The following NAALADL2 variants were observed in gnomAD, a reference collection of about 807,000 sequenced individuals.
The protein encoded by NAALADL2 is N-acetylated alpha-linked acidic dipeptidase like 2.
NAALADL2 carries 76 observed loss-of-function variants against 87.2 expected under a neutral mutation model. The ratio of observed to expected loss-of-function variants is 0.87; its 90% confidence interval spans 0.72 to 1.05. The LOEUF (loss-of-function observed/expected upper bound fraction) is 1.05, where lower values mean the gene tolerates loss of function less well. Ranked by LOEUF, NAALADL2 falls within the 50% of genes least tolerant of loss-of-function variation. The pLI, the probability that NAALADL2 is intolerant of heterozygous loss-of-function variation, is 0.00. For synonymous variants in NAALADL2, 354 were observed against 331.0 expected (o/e 1.07, Z -0.75); for missense variants, 1,089 against 945.8 (o/e 1.15, Z -1.99).
At chr3:175,091,336 C>G (rs1228912997) in intron 1 of NAALADL2, among the ~76,000 whole-genome samples, 2 of 152,068 alleles carry the variant, frequency 1.3e-5, no homozygotes, top group African/African-American at 2.4e-5. Context: ...TCAATCCACT[C>G]AAACCAGCAA....
intron 1 of NAALADL2, among the ~76,000 whole-genome samples, chr3:175,075,201 TCAAA>T (rs1319894213): frequency 6.6e-6 from 1 of 152,132 alleles, no homozygotes; most frequent in Non-Finnish European, 1.5e-5. Flanking sequence ...GGTGAAGCTG[TCAAA>T]CAGTCACTGA....
rs542898824 is a variant in NAALADL2, at chr3:174,960,008, G to T, written c.43+100558G>T. Among the ~76,000 whole-genome samples the T allele has an allele frequency of 2.0e-5, 3 of 152,094 alleles. No homozygotes were observed. In the South Asian group the frequency reaches 6.2e-4, roughly 32 times the overall value. On this transcript the variant is annotated intron_variant, in intron 1 of 13. Transcript: ENST00000454872. ...CCTGGCCAGCTGGCAATAGACTTTA[G>T]GTCTGCAGATATGATGATGGGAGTC...
chr3:175,135,354 T>C (rs1580641744), intron 2 of NAALADL2, among the ~76,000 whole-genome samples: 1 of 152,306 alleles, frequency 6.6e-6, no homozygotes, highest in South Asian at 2.1e-4. Flanking sequence ...TATTTCTTCA[T>C]ACGGTAATAA....
intron 11 of NAALADL2, chr3:175,718,789 T>C (rs895289781): frequency 6.7e-6 from 5 of 741,252 alleles, no homozygotes; most frequent in Non-Finnish European, 1.1e-5. Context: ...TAGCCAAGCA[T>C]GGTGACGCAC....
At chr3:174,523,779 T>G (rs1274663185) in intron 1 of NAALADL2, among the ~76,000 whole-genome samples, 1 of 152,210 alleles carries the variant, frequency 6.6e-6, no homozygotes, top group Non-Finnish European at 1.5e-5. Flanking sequence ...TACTCCTAAA[T>G]TGCCAGGTCA....
intron 2 of NAALADL2, among the ~76,000 whole-genome samples, chr3:175,204,126 G>T (rs528964109): frequency 6.6e-6 from 1 of 152,162 alleles, no homozygotes; most frequent in East Asian, 1.9e-4. Flanking sequence ...ACCAAAACCA[G>T]GAAGGGACAT....
At chr3:174,487,779 C>T (rs1157679015) in intron 1 of NAALADL2, among the ~76,000 whole-genome samples, 1 of 151,044 alleles carries the variant, frequency 6.6e-6, no homozygotes, top group Non-Finnish European at 1.5e-5. Flanking sequence ...GAAGCAATGG[C>T]TATATTGTGG....
chr3:175,256,492 G>A lies in NAALADL2; in HGVS notation c.901G>A (p.Ala301Thr), dbSNP rs575644923. The A allele has an allele frequency of 1.4e-5, 23 of 1,612,692 alleles. No homozygotes were observed. In the Admixed American group the frequency reaches 1.7e-4, roughly 12 times the overall value. The change falls in exon 4 of 14, where the codon GCA becomes ACA. Residue 301 changes from alanine to threonine, a missense_variant. By Grantham distance (58) the Ala-to-Thr change is moderately conservative. Coordinates refer to ENST00000454872, the MANE Select transcript of NAALADL2 (RefSeq NM_207015.3). ...RKIKNVTNQI[A>T]LLKLGKLPLL... ...AATAAAAAACGTAACAAATCAGATC[G>A]CACTCCTGAAATTAGGAAAATTGCC...
intron 3 of NAALADL2, among the ~76,000 whole-genome samples, chr3:174,804,465 T>A (rs1295614575): frequency 6.6e-6 from 1 of 152,186 alleles, no homozygotes; most frequent in Non-Finnish European, 1.5e-5. Context: ...TATTTCTTTC[T>A]CTTGCTTGAT....
intron 1 of NAALADL2, among the ~76,000 whole-genome samples, chr3:174,993,608 G>C (rs541566150): frequency 6.6e-6 from 1 of 152,198 alleles, no homozygotes; most frequent in East Asian, 1.9e-4. Flanking sequence ...AGACATTTTT[G>C]CTAAAAATGT....
chr3:174,539,977 G>GAAA (rs57394560), intron 1 of NAALADL2, among the ~76,000 whole-genome samples: 4 of 51,202 alleles, frequency 7.8e-5, no homozygotes, highest in Non-Finnish European at 1.1e-4. Context: ...GGAAGTTCTG[G>GAAA]AAAAAAAAAA....
At chr3:175,718,293 C>T (rs533192010) in intron 11 of NAALADL2, 287 of 1,482,972 alleles carry the variant, frequency 1.9e-4, no homozygotes, top group African/African-American at 1.1e-3. Flanking sequence ...CATCGTTAGG[C>T]GCCGAAGCTC....
chr3:175,502,148 T>G (rs1729631709), intron 9 of NAALADL2, among the ~76,000 whole-genome samples: 1 of 152,134 alleles, frequency 6.6e-6, no homozygotes, highest in Non-Finnish European at 1.5e-5. Flanking sequence ...GTCAGTCTAC[T>G]AAATAGCTAG....
At chr3:175,058,574 T>C (rs2109063525) in intron 1 of NAALADL2, among the ~76,000 whole-genome samples, 1 of 152,118 alleles carries the variant, frequency 6.6e-6, no homozygotes, top group South Asian at 2.1e-4. Context: ...GAATGATAAG[T>C]CGGGGGGTGC....
At chr3:174,743,679 A>G (rs1015192047) in intron 3 of NAALADL2, among the ~76,000 whole-genome samples, 1 of 151,778 alleles carries the variant, frequency 6.6e-6, no homozygotes, top group African/African-American at 2.4e-5. Flanking sequence ...TGTATTTCCA[A>G]ATTAGAATAG....
intron 1 of NAALADL2, among the ~76,000 whole-genome samples, chr3:174,910,294 T>G: frequency 6.6e-6 from 1 of 152,262 alleles, no homozygotes; most frequent in African/African-American, 2.4e-5. Flanking sequence ...CATGCTAACT[T>G]AAAGTCTTTG....
intron 1 of NAALADL2, among the ~76,000 whole-genome samples, chr3:174,977,287 G>A (rs1744483556): frequency 1.3e-5 from 2 of 152,072 alleles, no homozygotes; most frequent in Admixed American, 1.3e-4. Flanking sequence ...ACCACGCCCA[G>A]CTAATTTTTG....
chr3:174,504,183 T>C (rs1290854780), intron 1 of NAALADL2, among the ~76,000 whole-genome samples: 1 of 152,154 alleles, frequency 6.6e-6, no homozygotes, highest in Admixed American at 6.5e-5. Context: ...AGGTAAAAGA[T>C]TCATTTGTAT....
At chr3:174,543,028 G>A (rs986603562) in intron 1 of NAALADL2, among the ~76,000 whole-genome samples, 42 of 152,174 alleles carry the variant, frequency 2.8e-4, no homozygotes, top group African/African-American at 1.0e-3. Flanking sequence ...TTACCCATCA[G>A]CATGAACCAT....
Sources: gnomAD v4.1 joint callset for allele counts (sites outside exome capture counted in the v4.1 genomes callset) on GRCh38, gnomAD v4.1.1 for gene constraint, MANE v1.5 for transcripts, NCBI Gene and HGNC (gene_info 2026-07-23, HGNC 2026-07-21) for gene names.